Variants in FOXP2 observed in about 807,000 individuals in gnomAD.
FOXP2 encodes the protein forkhead box protein P2.
In FOXP2, 12 loss-of-function variants were observed where a neutral mutation model predicts 115.8. The observed-to-expected ratio is 0.10, with a 90% CI of 0.07 to 0.17. The LOEUF is 0.17. Ranked by LOEUF, FOXP2 falls within the 10% of genes least tolerant of loss-of-function variation. The probability of loss-of-function intolerance (pLI) is 1.00; values close to 1 mark genes in which losing one functional copy is unlikely to be tolerated. For missense variants in FOXP2, 629 were observed against 843.5 expected, an observed-to-expected ratio of 0.75 and a Z score of 3.15; for synonymous variants, 328 against 297.7, an observed-to-expected ratio of 1.10 and a Z score of -1.05.
At chr7:114,100,174 C>T (rs556596421) in intron 1 of FOXP2, among the ~76,000 whole-genome samples, 2 of 152,166 alleles carry the variant, frequency 1.3e-5, no homozygotes, top group African/African-American at 4.8e-5. Flanking sequence ...TAGCTCTGTG[C>T]TTTGTATTTA....
chr7:114,277,957 G>T (rs1184970225), intron 1 of FOXP2, among the ~76,000 whole-genome samples: 3 of 151,264 alleles, frequency 2.0e-5, no homozygotes, highest in Non-Finnish European at 4.4e-5. Flanking sequence ...GAACAGGTGG[G>T]TGGAGGTAGC....
At chr7:114,201,836 A>C (rs1001624042) in intron 1 of FOXP2, among the ~76,000 whole-genome samples, 2 of 152,208 alleles carry the variant, frequency 1.3e-5, no homozygotes, top group Admixed American at 6.5e-5. Flanking sequence ...GAAATGGCGC[A>C]GTTGCCTTGT....
Position 114,512,130 on chromosome 7 carries a change from G to A in FOXP2, c.169-22487G>A, listed in dbSNP as rs140822821. On this transcript the variant is annotated intron_variant, in intron 2 of 16. Coordinates refer to ENST00000350908, the MANE Select transcript of FOXP2 (RefSeq NM_014491.4). ...AGTTAGTTATTGGCTTTATATTTGT[G>A]AAAAGTCATGTTCTAGCGCCTTGCA... is the stretch of plus-strand genomic sequence containing the variant. Among the ~76,000 whole-genome samples, 27 of 152,072 alleles carry A rather than the reference G, an allele frequency of 1.8e-4. No individual in the cohort carries two copies. In the East Asian group the frequency reaches 4.1e-3, roughly 23 times the overall value.
intron 2 of FOXP2, among the ~76,000 whole-genome samples, chr7:114,341,595 C>T (rs1370026239): frequency 2.0e-5 from 3 of 151,264 alleles, no homozygotes; most frequent in African/African-American, 7.3e-5. Flanking sequence ...GTGTTGATGG[C>T]CTATAACTAC....
chr7:114,192,221 G>A (rs759589498), intron 1 of FOXP2, among the ~76,000 whole-genome samples: 6 of 151,428 alleles, frequency 4.0e-5, no homozygotes, highest in Non-Finnish European at 5.9e-5. Context: ...TCTTGACCTC[G>A]TGATCTGCCC....
intron 3 of FOXP2, among the ~76,000 whole-genome samples, chr7:114,619,676 T>C (rs967359624): frequency 6.6e-6 from 1 of 152,088 alleles, no homozygotes; most frequent in Non-Finnish European, 1.5e-5. Context: ...AACTGTATCC[T>C]CCTTTGGGTC....
intron 4 of FOXP2, 154 bp downstream of exon 4, chr7:114,628,831 A>G: frequency 2.3e-6 from 2 of 881,342 alleles, no homozygotes; most frequent in Non-Finnish European, 3.5e-6. Context: ...TAATTATAGA[A>G]CTCGTAAGAA....
chr7:114,118,893 C>T (rs1002909714), intron 1 of FOXP2, among the ~76,000 whole-genome samples: 42 of 152,070 alleles, frequency 2.8e-4, no homozygotes, highest in African/African-American at 9.9e-4. Flanking sequence ...AGAGGAGAAC[C>T]CTGAATTGTT....
intron 2 of FOXP2, among the ~76,000 whole-genome samples, chr7:114,499,884 A>C (rs1797487973): frequency 6.6e-6 from 1 of 152,160 alleles, no homozygotes; most frequent in Admixed American, 6.5e-5. Flanking sequence ...AGAATTCAAA[A>C]GGATTAATAT....
chr7:114,171,300 A>G (rs1793131792), intron 1 of FOXP2, among the ~76,000 whole-genome samples: 1 of 152,208 alleles, frequency 6.6e-6, no homozygotes, highest in Admixed American at 6.6e-5. Context: ...TGGGCCAGGT[A>G]TGGTGGCTTA....
intron 12 of FOXP2, 27 bp downstream of exon 12, chr7:114,659,459 C>T (rs1806758962): frequency 4.4e-6 from 7 of 1,602,580 alleles, no homozygotes; most frequent in African/African-American, 2.7e-5. Flanking sequence ...TTAACTTTGC[C>T]TGATTAAATT....
intron 2 of FOXP2, among the ~76,000 whole-genome samples, chr7:114,384,615 G>T (rs1792395629): frequency 6.6e-6 from 1 of 152,092 alleles, no homozygotes; most frequent in Non-Finnish European, 1.5e-5. Context: ...TGGTAATTAA[G>T]ATTTAAATCC....
At chr7:114,556,344 C>T (rs1800451985) in intron 3 of FOXP2, among the ~76,000 whole-genome samples, 1 of 151,796 alleles carries the variant, frequency 6.6e-6, no homozygotes, top group Non-Finnish European at 1.5e-5. Context: ...GCCACTGAGA[C>T]CAACACCAGA....
chr7:114,466,745 A>G (rs1234778549), intron 2 of FOXP2, among the ~76,000 whole-genome samples: 1 of 152,192 alleles, frequency 6.6e-6, no homozygotes, highest in East Asian at 1.9e-4. Flanking sequence ...TTGCCAGATA[A>G]TGTCAATTTT....
At chr7:114,425,233 A>C (rs1266881494) in intron 1 of FOXP2, among the ~76,000 whole-genome samples, 1 of 151,634 alleles carries the variant, frequency 6.6e-6, no homozygotes, top group African/African-American at 2.4e-5. Context: ...TAAAATATTG[A>C]AATCATGTAA....
At chr7:114,106,827 G>A (rs75190855) in intron 1 of FOXP2, among the ~76,000 whole-genome samples, 12,446 of 151,910 alleles carry the variant, frequency 0.082, 1,053 homozygotes, top group East Asian at 0.49. Context: ...TTTTAAGATT[G>A]TCTCAGTTTT....
chr7:114,356,637 A>T (rs753702118), intron 2 of FOXP2, among the ~76,000 whole-genome samples: 2 of 152,184 alleles, frequency 1.3e-5, no homozygotes, highest in Admixed American at 6.5e-5. Flanking sequence ...TGAATACCAC[A>T]TGTTCTTGAA....
At chr7:114,252,643 C>G (rs1324441174) in intron 1 of FOXP2, among the ~76,000 whole-genome samples, 1 of 152,146 alleles carries the variant, frequency 6.6e-6, no homozygotes. Context: ...GTGATATCCC[C>G]TTTATCATTT....
At chr7:114,638,003 T>A (rs1402009708) in intron 6 of FOXP2, among the ~76,000 whole-genome samples, 1 of 152,058 alleles carries the variant, frequency 6.6e-6, no homozygotes, top group Non-Finnish European at 1.5e-5. Context: ...ATCAGTTAAA[T>A]AAAACAGAGA....
Sources: gnomAD v4.1 joint callset for allele counts (sites outside exome capture counted in the v4.1 genomes callset) on GRCh38, gnomAD v4.1.1 for gene constraint, MANE v1.5 for transcripts, NCBI Gene and HGNC (gene_info 2026-07-23, HGNC 2026-07-21) for gene names.